HMGA2: variants seen among roughly 807,000 people sequenced by gnomAD.
HMGA2 encodes high mobility group protein HMGI-C.
Under a neutral mutation model 19.1 loss-of-function variants are expected in HMGA2, and 8 were observed. That is an observed-to-expected ratio of 0.42 (90% CI 0.25 to 0.76). The LOEUF is 0.76. Among genes scored for constraint, HMGA2 ranks in the 30% least tolerant of loss-of-function variants. HMGA2 has a pLI of 0.28. For missense variants in HMGA2, 109 were observed against 136.3 expected (o/e 0.80, Z 1.00); for synonymous variants, 60 against 48.8 (o/e 1.23, Z -0.96).
At chr12:65,904,553 G>A (rs989085271) in intron 3 of HMGA2, among the ~76,000 whole-genome samples, 4 of 152,084 alleles carry the variant, frequency 2.6e-5, no homozygotes, top group African/African-American at 9.7e-5. Context: ...ATAAAACAAG[G>A]TGCAAGAGAA....
chr12:65,921,283 G>A (rs544711926), intron 3 of HMGA2, among the ~76,000 whole-genome samples: 3 of 152,064 alleles, frequency 2.0e-5, no homozygotes, highest in Non-Finnish European at 4.4e-5. Context: ...TTTTTGAGAC[G>A]GAGTCTTGCT....
Position 65,888,228 on chromosome 12 carries a change from G to A in HMGA2, c.249+49659G>A, listed in dbSNP as rs376580894. Among the ~76,000 whole-genome samples, 378 of 152,166 alleles carry A rather than the reference G, an allele frequency of 2.5e-3. 2 individuals carry two copies. Among genetic ancestry groups the A allele is most frequent in the Middle Eastern group, 0.01 (3 of 292 alleles). On this transcript the variant is annotated intron_variant, in intron 3 of 4. Transcript: ENST00000403681. ...CCCAGCACTTTAGGAGGCCGAGGCG[G>A]GTGGATCACTTGAGGTCAGGAGTTT...
chr12:65,874,776 G>C (rs1470793560), intron 3 of HMGA2, among the ~76,000 whole-genome samples: 1 of 152,148 alleles, frequency 6.6e-6, no homozygotes, highest in African/African-American at 2.4e-5. Flanking sequence ...ATTTTCACAA[G>C]TACGCTTAAA....
chr12:65,919,296 G>A (rs568346515), intron 3 of HMGA2, among the ~76,000 whole-genome samples: 6 of 152,192 alleles, frequency 3.9e-5, no homozygotes, highest in South Asian at 2.1e-4. Flanking sequence ...ACATAAAACC[G>A]TATCACTAAT....
At chr12:65,951,234 T>C (rs1265876470) in intron 3 of HMGA2, 149 bp from the exon 4 acceptor site, 3 of 570,430 alleles carry the variant, frequency 5.3e-6, no homozygotes, top group Non-Finnish European at 9.2e-6. Context: ...TGGCCAAGTA[T>C]AAACACTTTT....
chr12:65,962,309 C>T (rs1876774136), intron 4 of HMGA2, among the ~76,000 whole-genome samples: 1 of 152,198 alleles, frequency 6.6e-6, no homozygotes, highest in Non-Finnish European at 1.5e-5. Flanking sequence ...GAGAACTTTG[C>T]GGCTCAAGCC....
At chr12:65,875,576 A>G (rs12818225) in intron 3 of HMGA2, among the ~76,000 whole-genome samples, 2 of 97,100 alleles carry the variant, frequency 2.1e-5, no homozygotes, top group African/African-American at 6.7e-5. Context: ...GGCATATGCC[A>G]CCGTGCCCGG....
At chr12:65,849,027 A>G (rs1274835157) in intron 3 of HMGA2, among the ~76,000 whole-genome samples, 1 of 152,246 alleles carries the variant, frequency 6.6e-6, no homozygotes, top group Non-Finnish European at 1.5e-5. Flanking sequence ...ACATGGACTC[A>G]TACGATTATG....
At chr12:65,887,716 C>T (rs974680023) in intron 3 of HMGA2, among the ~76,000 whole-genome samples, 2 of 151,882 alleles carry the variant, frequency 1.3e-5, no homozygotes, top group Non-Finnish European at 2.9e-5. Flanking sequence ...AAAAAATTTA[C>T]AGTTAGGATT....
At chr12:65,952,485 C>A (rs1018406595) in intron 4 of HMGA2, 1 of 1,525,450 alleles carries the variant, frequency 6.6e-7, no homozygotes, top group Middle Eastern at 1.7e-4. Context: ...TGTCTTCAAA[C>A]AATTACATAT....
chr12:65,931,076 T>C (rs1401544336), intron 3 of HMGA2, among the ~76,000 whole-genome samples: 2 of 152,216 alleles, frequency 1.3e-5, no homozygotes, highest in African/African-American at 4.8e-5. Flanking sequence ...ATGGCAAATC[T>C]GCGTTGAGCT....
chr12:65,852,893 A>G (rs1270085075), intron 3 of HMGA2, among the ~76,000 whole-genome samples: 1 of 152,204 alleles, frequency 6.6e-6, no homozygotes, highest in African/African-American at 2.4e-5. Context: ...GTAGACATTG[A>G]AGAGGAGGAT....
At chr12:65,875,203 A>T (rs2121061875) in intron 3 of HMGA2, among the ~76,000 whole-genome samples, 1 of 152,328 alleles carries the variant, frequency 6.6e-6, no homozygotes, top group East Asian at 1.9e-4. Context: ...ACAGTGGCTC[A>T]GTACCTGCTT....
intron 3 of HMGA2, among the ~76,000 whole-genome samples, chr12:65,940,459 A>T (rs1156455747): frequency 6.6e-6 from 1 of 152,186 alleles, no homozygotes; most frequent in East Asian, 1.9e-4. Context: ...AGATCTTTTA[A>T]ATTGTTATAT....
At chr12:65,843,878 A>G (rs1197800761) in intron 3 of HMGA2, among the ~76,000 whole-genome samples, 1 of 151,996 alleles carries the variant, frequency 6.6e-6, no homozygotes, top group African/African-American at 2.4e-5. Flanking sequence ...GTGAAACCCC[A>G]TGTCCATCAA....
intron 3 of HMGA2, among the ~76,000 whole-genome samples, chr12:65,895,343 G>GA (rs1041100283): frequency 1.7e-4 from 25 of 147,190 alleles, no homozygotes; most frequent in South Asian, 2.2e-4. Flanking sequence ...TTAAGAAGGG[G>GA]AAAAAAAAAA....
chr12:65,827,685 T>C (rs1055295643), intron 1 of HMGA2, among the ~76,000 whole-genome samples: 1 of 152,242 alleles, frequency 6.6e-6, no homozygotes, highest in African/African-American at 2.4e-5. Flanking sequence ...TGCATAGCCC[T>C]GTAAACTTTA....
chr12:65,888,413 C>T (rs1226090771), intron 3 of HMGA2, among the ~76,000 whole-genome samples: 1 of 151,564 alleles, frequency 6.6e-6, no homozygotes, highest in Non-Finnish European at 1.5e-5. Flanking sequence ...CAAGATGGCG[C>T]CACTGCACTC....
chr12:65,925,051 A>G (rs1875458815), intron 3 of HMGA2, among the ~76,000 whole-genome samples: 1 of 152,158 alleles, frequency 6.6e-6, no homozygotes, highest in South Asian at 2.1e-4. Flanking sequence ...ACCCTCCTTA[A>G]AAGTTTCCAT....
Sources: allele counts gnomAD v4.1 joint callset (sites outside exome capture counted in the v4.1 genomes callset), GRCh38; gene constraint gnomAD v4.1.1; transcripts MANE v1.5; gene names NCBI Gene and HGNC (gene_info 2026-07-23, HGNC 2026-07-21).